Variants in DCTPP1 observed in about 807,000 individuals in gnomAD.
The protein encoded by DCTPP1 is dCTP pyrophosphatase 1, also known as XTP3-transactivated gene A protein.
A neutral mutation model predicts 8.8 loss-of-function variants in DCTPP1; 8 were observed. That is an observed-to-expected ratio of 0.91 (90% CI 0.54 to 1.64). The LOEUF (loss-of-function observed/expected upper bound fraction) is 1.64, where lower values mean the gene tolerates loss of function less well. Ranked by LOEUF, DCTPP1 falls within the 40% of genes most tolerant of loss-of-function variation. The probability of loss-of-function intolerance (pLI) is 0.00; values close to 1 mark genes in which losing one functional copy is unlikely to be tolerated. For synonymous variants in DCTPP1, 85 were observed against 92.1 expected, an observed-to-expected ratio of 0.92 and a Z score of 0.44; for missense variants, 231 against 230.4, an observed-to-expected ratio of 1.00 and a Z score of -0.02.
intron 2 of DCTPP1, among the ~76,000 whole-genome samples, chr16:30,428,604 C>T (rs951249010): frequency 1.5e-4 from 23 of 151,948 alleles, no homozygotes; most frequent in Non-Finnish European, 1.0e-4. Flanking sequence ...ACCCCGTCTC[C>T]ACTAAAAATA....
chr16:30,429,308 G>T (rs2050211488), intron 1 of DCTPP1, 141 bp from the exon 2 acceptor site: 6 of 757,944 alleles, frequency 7.9e-6, no homozygotes, highest in South Asian at 7.1e-5. Context: ...GTATTGTGCA[G>T]GTCATTTCCT....
In DCTPP1 at chr16:30,427,416, G is replaced by A. The variant is rs146679484; in HGVS notation, c.212+1641C>T. ...CAGTCTCTGCCTCCTGGGTTCAAGC[G>A]ATTCTTGTGCCTCAGCCTCCTGAGT... On this transcript the variant is annotated intron_variant, in intron 2 of 2. Coordinates refer to ENST00000319285, the MANE Select transcript of DCTPP1 (RefSeq NM_024096.2). 8.9e-4 allele frequency among the ~76,000 whole-genome samples: 129 copies of A among 144,528 alleles called. No homozygotes were observed. The East Asian group carries it at 0.018, about 20-fold the overall frequency. The allele number at this position is 144,528 out of a possible 152,430, so 94.8% of individuals were successfully genotyped here.
intron 2 of DCTPP1, among the ~76,000 whole-genome samples, chr16:30,425,979 C>T (rs1453229884): frequency 6.6e-6 from 1 of 152,188 alleles, no homozygotes; most frequent in African/African-American, 2.4e-5. Context: ...CTGCCCCCCA[C>T]TCTCACTCCC....
Position 30,424,205 on chromosome 16 carries a change from C to T in DCTPP1, c.*28G>A, listed in dbSNP as rs1273225857. On this transcript the variant is annotated 3_prime_UTR_variant, in exon 3 of 3. Coordinates refer to ENST00000319285, the MANE Select transcript of DCTPP1 (RefSeq NM_024096.2). Reference sequence around the variant, plus strand: ...CACTCTCTGCTCTTCAGACACCACCCTGAGTTGCAAGTCCTGTGGCCATCT... The same window carrying T: ...CACTCTCTGCTCTTCAGACACCACCTTGAGTTGCAAGTCCTGTGGCCATCT... 6.2e-7 allele frequency: 1 copy of T among 1,608,330 alleles called. No homozygotes were observed. The highest frequency in any genetic ancestry group is 1.7e-5 in the Admixed American group (1 of 59,720).
chr16:30,423,962 G>A lies in DCTPP1; in HGVS notation c.*271C>T. 1 of 463,748 alleles carries A rather than the reference G, an allele frequency of 2.2e-6. No homozygotes were observed. The highest frequency in any genetic ancestry group is 3.9e-6 in the Non-Finnish European group (1 of 259,418). The allele number at this position is 463,748 out of a possible 1,614,324, so 28.7% of individuals were successfully genotyped here. The stretch of plus-strand genomic sequence containing the variant: ...CAGGGAAACACGAGAATGGGTCTCA[G>A]AGGCACCCCTGGTACCCCCGTCATC... On this transcript the variant is annotated 3_prime_UTR_variant, in exon 3 of 3. Transcript: ENST00000319285.
chr16:30,429,226 C>T (rs1406541591), intron 1 of DCTPP1, 59 bp from the exon 2 acceptor site: 31 of 1,568,692 alleles, frequency 2.0e-5, no homozygotes, highest in Non-Finnish European at 2.4e-5. Flanking sequence ...GATGCAGGGG[C>T]CAGAGGCAGC....
In DCTPP1 at chr16:30,429,174, T is replaced by G; in HGVS notation, c.102-7A>C. 6.2e-7 allele frequency: 1 copy of G among 1,613,884 alleles called. No homozygotes were observed. The highest frequency in any genetic ancestry group is 8.5e-7 in the Non-Finnish European group (1 of 1,179,938). On this transcript the variant is annotated splice_region_variant and splice_polypyrimidine_tract_variant and intron_variant, in intron 1 of 2. Transcript: ENST00000319285. ...CTCAGCATGGAGGCGGCGGCTGAAA[T>G]AGGACAAAGGAGTGTAAGTCCAAGT...
intron 2 of DCTPP1, 51 bp from the exon 3 acceptor site, chr16:30,424,584 G>A: frequency 6.3e-7 from 1 of 1,583,992 alleles, no homozygotes; most frequent in Non-Finnish European, 8.6e-7. Context: ...CTGGGGCAAT[G>A]GGCTCTGCCA....
chr16:30,423,765 A>T lies in DCTPP1; in HGVS notation c.*468T>A, dbSNP rs1379839795. On this transcript the variant is annotated 3_prime_UTR_variant, in exon 3 of 3. Coordinates refer to ENST00000319285, the MANE Select transcript of DCTPP1 (RefSeq NM_024096.2). ...GAAGTGCAGAACGATTAATTTGAGT[A>T]ATGTCATTTAGCTTGCAAGTGTCAA... is the stretch of plus-strand genomic sequence containing the variant. 1.3e-4 allele frequency: 21 copies of T among 162,556 alleles called. No homozygotes were observed. The highest frequency in any genetic ancestry group is 1.3e-5 in the Non-Finnish European group (1 of 74,496). The allele number at this position is 162,556 out of a possible 1,614,324, so 10.1% of individuals were successfully genotyped here. A position where few individuals can be genotyped will look rare whatever the true frequency, so the allele number is the denominator to read the frequency against.
intron 2 of DCTPP1, 103 bp from the exon 3 acceptor site, chr16:30,424,636 C>A: frequency 7.0e-7 from 1 of 1,424,486 alleles, no homozygotes; most frequent in South Asian, 1.4e-5. Context: ...ACGACCTAAC[C>A]AATCTGGGCC....
intron 1 of DCTPP1, 159 bp downstream of exon 1, chr16:30,429,720 AT>A: frequency 1.5e-6 from 1 of 647,762 alleles, no homozygotes; most frequent in Non-Finnish European, 2.5e-6. Flanking sequence ...CGCTGCGCCC[AT>A]TTTGCAGATG....
In DCTPP1 at chr16:30,423,883, T is replaced by C; in HGVS notation, c.*350A>G. On this transcript the variant is annotated 3_prime_UTR_variant, in exon 3 of 3. Transcript: ENST00000319285. ...GGGGGAAGGAACTTACATGACATCC[T>C]ACTGGGAATTTGCTAGAAACCAGAT... is the stretch of plus-strand genomic sequence containing the variant. 4.3e-6 allele frequency: 1 copy of C among 232,328 alleles called. No homozygotes were observed. The highest frequency in any genetic ancestry group is 8.4e-6 in the Non-Finnish European group (1 of 118,510). 14.4% of individuals were successfully genotyped at this position (232,328 alleles called of 1,614,324 possible).
intron 2 of DCTPP1, among the ~76,000 whole-genome samples, chr16:30,425,637 C>T (rs374365835): frequency 1.3e-5 from 2 of 152,060 alleles, no homozygotes; most frequent in African/African-American, 4.8e-5. Context: ...AAGGTGAAAC[C>T]CCATCTCTAC....
Position 30,424,263 on chromosome 16 carries a change from G to A in DCTPP1, c.483C>T (p.Pro161=). Residue 161 remains proline, a synonymous_variant, in exon 3 of 3, where the codon CCC becomes CCT. Transcript: ENST00000319285. ...TTGAGGTCTGGCCTGTGGAGTCACAGGGAATGTCCGCAGGCCCCACAGCCT... is the reference window on the plus strand; with the variant it reads ...TTGAGGTCTGGCCTGTGGAGTCACAAGGAATGTCCGCAGGCCCCACAGCCT... The part of the protein sequence containing the change: ...EDQAVGPADI[P]CDSTGQTST 6.2e-7 allele frequency: 1 copy of A among 1,614,218 alleles called. No individual in the cohort carries two copies. Among genetic ancestry groups the A allele is most frequent in the Non-Finnish European group, 8.5e-7 (1 of 1,180,048 alleles).
chr16:30,424,072 A>G lies in DCTPP1; in HGVS notation c.*161T>C, dbSNP rs553320349. 1.2e-6 allele frequency: 1 copy of G among 828,702 alleles called. No homozygotes were observed. Among genetic ancestry groups the G allele is most frequent in the East Asian group, 2.7e-5 (1 of 37,236 alleles). The allele number at this position is 828,702 out of a possible 1,614,324, so 51.3% of individuals were successfully genotyped here. On this transcript the variant is annotated 3_prime_UTR_variant, in exon 3 of 3. Coordinates refer to ENST00000319285, the MANE Select transcript of DCTPP1 (RefSeq NM_024096.2). The stretch of plus-strand genomic sequence containing the variant: ...AAACCATTTTACTGGGAGAACAAAC[A>G]CCAGGAGGCTACCTTCTAGAGGCTG...
At chr16:30,429,363 T>G in intron 1 of DCTPP1, 196 bp from the exon 2 acceptor site, 2 of 537,378 alleles carry the variant, frequency 3.7e-6, no homozygotes, top group Non-Finnish European at 6.5e-6. Flanking sequence ...GGCGTGCCCC[T>G]GAACTGCCCT....
At chr16:30,429,652 G>A in intron 1 of DCTPP1, 1 of 521,362 alleles carries the variant, frequency 1.9e-6, no homozygotes, top group Admixed American at 4.0e-5. Flanking sequence ...TAGGCTGAAG[G>A]GCGTTCCTAG....
intron 2 of DCTPP1, among the ~76,000 whole-genome samples, chr16:30,427,550 C>T (rs2050201530): frequency 6.6e-6 from 1 of 152,180 alleles, no homozygotes; most frequent in African/African-American, 2.4e-5. Context: ...GTGTTCTTTT[C>T]CTCATAGAAC....
At position 30,428,715 on chromosome 16, in the gene DCTPP1, C is replaced by T. The variant is rs541516141; in HGVS notation, c.212+342G>A. ...CCAGGAGGCGGATGTTGCAGTGAGC[C>T]GAAATTGAGCCACTGCACTCCAGCC... is the stretch of plus-strand genomic sequence containing the variant. On this transcript the variant is annotated intron_variant, in intron 2 of 2. Transcript: ENST00000319285. 1.3e-3 allele frequency among the ~76,000 whole-genome samples: 190 copies of T among 151,956 alleles called. 2 individuals carry two copies. The highest frequency in any genetic ancestry group is 4.7e-3 in the East Asian group (24 of 5,158).
Sources: allele counts gnomAD v4.1 joint callset (sites outside exome capture counted in the v4.1 genomes callset), GRCh38; gene constraint gnomAD v4.1.1; transcripts MANE v1.5; gene names NCBI Gene and HGNC (gene_info 2026-07-23, HGNC 2026-07-21).